Variants in CNTNAP4 observed in about 807,000 individuals in gnomAD.
CNTNAP4 encodes the protein contactin associated protein family member 4.
In CNTNAP4, 98 loss-of-function variants were observed where a neutral mutation model predicts 148.4. That is an observed-to-expected ratio of 0.66 (90% CI 0.56 to 0.78). The LOEUF is 0.78. Among genes scored for constraint, CNTNAP4 ranks in the 30% least tolerant of loss-of-function variants. The probability of loss-of-function intolerance (pLI) is 0.00; values close to 1 mark genes in which losing one functional copy is unlikely to be tolerated. For synonymous variants in CNTNAP4, 730 were observed against 565.1 expected, an observed-to-expected ratio of 1.29 and a Z score of -4.14; for missense variants, 1,935 against 1,565.6, an observed-to-expected ratio of 1.24 and a Z score of -3.98.
At chr16:76,449,340 GATTA>G (rs1395049714) in intron 6 of CNTNAP4, among the ~76,000 whole-genome samples, 9 of 152,094 alleles carry the variant, frequency 5.9e-5, no homozygotes, top group African/African-American at 1.7e-4. Flanking sequence ...CCAACAAATT[GATTA>G]ATTAATTCAT....
At chr16:76,290,733 G>A (rs1959080039) in intron 1 of CNTNAP4, among the ~76,000 whole-genome samples, 1 of 152,088 alleles carries the variant, frequency 6.6e-6, no homozygotes, top group South Asian at 2.1e-4. Flanking sequence ...ACTCCTTCCC[G>A]ATGTTCAGAG....
intron 2 of CNTNAP4, among the ~76,000 whole-genome samples, chr16:76,333,779 G>GTTTTTTTTTTTTTTTTTTTTT (rs549878036): frequency 6.6e-5 from 3 of 45,606 alleles, no homozygotes; most frequent in Non-Finnish European, 8.6e-5. Context: ...TGGGTTATAG[G>GTTTTTTTTTTTTTTTTTTTTT]TTTTTTTTTT....
At chr16:76,296,976 C>G (rs1470749933) in intron 1 of CNTNAP4, among the ~76,000 whole-genome samples, 1 of 152,096 alleles carries the variant, frequency 6.6e-6, no homozygotes, top group Non-Finnish European at 1.5e-5. Flanking sequence ...AAAATATGCC[C>G]CTGGACATAT....
At chr16:76,475,800 G>A in intron 10 of CNTNAP4, 139 bp from the exon 11 acceptor site, 1 of 611,128 alleles carries the variant, frequency 1.6e-6, no homozygotes, top group Non-Finnish European at 2.9e-6. Flanking sequence ...TGTGATTAAA[G>A]TGATTAACAA....
chr16:76,544,046 C>T (rs547535888), intron 21 of CNTNAP4, among the ~76,000 whole-genome samples: 6 of 152,232 alleles, frequency 3.9e-5, no homozygotes, highest in African/African-American at 1.2e-4. Context: ...TTTCGATAAT[C>T]GTGATAACAA....
chr16:76,431,021 A>G (rs2079586089), intron 4 of CNTNAP4, among the ~76,000 whole-genome samples: 1 of 152,220 alleles, frequency 6.6e-6, no homozygotes. Flanking sequence ...AGGCATGTGC[A>G]ATGTTAGAAA....
intron 1 of CNTNAP4, among the ~76,000 whole-genome samples, chr16:76,308,646 G>T (rs747078011): frequency 3.5e-4 from 54 of 152,150 alleles, no homozygotes; most frequent in Non-Finnish European, 2.1e-4. Context: ...AAATTAATTT[G>T]CAGCTCTATT....
chr16:76,316,376 C>T, intron 1 of CNTNAP4, 37 bp from the exon 2 acceptor site: 1 of 1,409,478 alleles, frequency 7.1e-7, no homozygotes, highest in Non-Finnish European at 1.0e-6. Context: ...AGCCTCAGCA[C>T]TAACTAACCC....
At chr16:76,491,974 A>G (rs755960874) in intron 13 of CNTNAP4, among the ~76,000 whole-genome samples, 1 of 152,194 alleles carries the variant, frequency 6.6e-6, no homozygotes, top group Non-Finnish European at 1.5e-5. Flanking sequence ...CATCTCTTCA[A>G]GATACTGAAG....
chr16:76,470,730 C>T (rs559566801), intron 10 of CNTNAP4, among the ~76,000 whole-genome samples: 1 of 143,198 alleles, frequency 7.0e-6, no homozygotes, highest in African/African-American at 2.4e-5. Flanking sequence ...TAAAATAATG[C>T]AGGTTTTTAA....
intron 16 of CNTNAP4, 44 bp from the exon 17 acceptor site, chr16:76,521,995 C>T: frequency 6.4e-7 from 1 of 1,572,790 alleles, no homozygotes; most frequent in Non-Finnish European, 8.8e-7. Context: ...CGGCACTTCG[C>T]CATAGGAACT....
intron 3 of CNTNAP4, among the ~76,000 whole-genome samples, chr16:76,370,573 C>G (rs34952721): frequency 0.26 from 39,653 of 152,036 alleles, 5,871 homozygotes; most frequent in Non-Finnish European, 0.34. Context: ...ATACAGGAGC[C>G]TGGGACACAG....
chr16:76,553,334 C>T lies in CNTNAP4; in HGVS notation c.3494C>T (p.Thr1165Ile), dbSNP rs1427960673. 2 of 1,612,884 alleles carry T rather than the reference C, an allele frequency of 1.2e-6. No individual in the cohort carries two copies. The highest frequency in any genetic ancestry group is 1.1e-5 in the South Asian group (1 of 90,904). Residue 1165 changes from threonine to isoleucine, a missense_variant, in exon 22 of 24, where the codon ACA becomes ATA. Thr to Ile is a moderately conservative substitution (Grantham distance 89, BLOSUM62 -1). Coordinates refer to ENST00000611870, the MANE Select transcript of CNTNAP4 (RefSeq NM_033401.5). ...DTALAGAQGF[T>I]GCLSAVQLSH... ...GCACTGGCAGGTGCGCAGGGCTTCACAGGCTGCCTCTCTGCAGTGCAGCTC... is the reference window on the plus strand; with the variant it reads ...GCACTGGCAGGTGCGCAGGGCTTCATAGGCTGCCTCTCTGCAGTGCAGCTC...
chr16:76,489,817 C>T lies in CNTNAP4; in HGVS notation c.2014C>T (p.Arg672Cys), dbSNP rs761022747. The T allele has an allele frequency of 1.6e-5, 26 of 1,605,596 alleles. No individual in the cohort carries two copies. The highest frequency in any genetic ancestry group is 8.5e-5 in the Admixed American group (5 of 59,040). The change falls in exon 13 of 24, where the codon CGT (arginine) becomes TGT (cysteine). Residue 672 changes from arginine (R) to cysteine (C), a missense_variant. Coordinates refer to ENST00000611870, the MANE Select transcript of CNTNAP4 (RefSeq NM_033401.5). ...GGAGCAACTTCAGGCCACTATTAACCGTGCAGAGCACTGTGAACAGGAGTT... is the reference window on the plus strand; with the variant it reads ...GGAGCAACTTCAGGCCACTATTAACTGTGCAGAGCACTGTGAACAGGAGTT... ...SMEQLQATIN[R>C]AEHCEQEFTY...
At chr16:76,506,476 C>CTTTTT (rs1237064108) in intron 15 of CNTNAP4, among the ~76,000 whole-genome samples, 2 of 43,206 alleles carry the variant, frequency 4.6e-5, no homozygotes, top group African/African-American at 7.3e-5. Flanking sequence ...TCTTCCGTTC[C>CTTTTT]TTTTTTTTTT....
intron 14 of CNTNAP4, among the ~76,000 whole-genome samples, chr16:76,497,499 C>G (rs1273324279): frequency 6.6e-6 from 1 of 152,070 alleles, no homozygotes; most frequent in Non-Finnish European, 1.5e-5. Flanking sequence ...TACAAGAAAT[C>G]ATATGGGGGG....
At chr16:76,500,292 A>G (rs2082581648) in intron 15 of CNTNAP4, among the ~76,000 whole-genome samples, 1 of 152,232 alleles carries the variant, frequency 6.6e-6, no homozygotes, top group South Asian at 2.1e-4. Flanking sequence ...AACATTTTTA[A>G]GTACGGTCTG....
intron 19 of CNTNAP4, among the ~76,000 whole-genome samples, chr16:76,538,546 G>C (rs1212243331): frequency 1.3e-5 from 2 of 151,916 alleles, no homozygotes; most frequent in African/African-American, 4.8e-5. Flanking sequence ...ATCTCTTTAT[G>C]ATTTTGATAA....
chr16:76,416,449 T>G (rs545695637), intron 3 of CNTNAP4, among the ~76,000 whole-genome samples: 5 of 151,552 alleles, frequency 3.3e-5, no homozygotes, highest in South Asian at 4.1e-4. Context: ...CGTATTTTGA[T>G]GTTATATTTT....
Sources: gnomAD v4.1 joint callset for allele counts (sites outside exome capture counted in the v4.1 genomes callset) on GRCh38, gnomAD v4.1.1 for gene constraint, MANE v1.5 for transcripts, NCBI Gene and HGNC (gene_info 2026-07-23, HGNC 2026-07-21) for gene names.